The following PCSK2 variants were observed in gnomAD, a reference collection of about 807,000 sequenced individuals.
The protein encoded by PCSK2 is neuroendocrine convertase 2.
A neutral mutation model predicts 69.7 loss-of-function variants in PCSK2; 14 were observed. The observed-to-expected ratio is 0.20, with a 90% CI of 0.13 to 0.31. The LOEUF (loss-of-function observed/expected upper bound fraction) is 0.31. PCSK2 is among the 10% of genes least tolerant of loss of function. The pLI is 1.00. For synonymous variants in PCSK2, 307 were observed against 320.7 expected (o/e 0.96, Z 0.46); for missense variants, 544 against 842.5 (o/e 0.65, Z 4.39).
intron 5 of PCSK2, among the ~76,000 whole-genome samples, chr20:17,385,461 A>G (rs2031209814): frequency 1.3e-5 from 2 of 152,364 alleles, no homozygotes; most frequent in African/African-American, 4.8e-5. Flanking sequence ...TGATTAAGAA[A>G]CAAAAGCTGA....
intron 5 of PCSK2, among the ~76,000 whole-genome samples, chr20:17,391,983 GAAGGAAGGA>G (rs35751867): frequency 0.015 from 2,256 of 150,326 alleles, 23 homozygotes; most frequent in South Asian, 0.037. Context: ...GAAGGGAAGG[GAAGGAAGGA>G]AAGGAAGGAA....
At chr20:17,388,158 TATGGCATGAG>T (rs2031284908) in intron 5 of PCSK2, among the ~76,000 whole-genome samples, 1 of 151,934 alleles carries the variant, frequency 6.6e-6, no homozygotes, top group African/African-American at 2.4e-5. Context: ...GAAGGAAAAA[TATGGCATGAG>T]ATGACATTGG....
At chr20:17,461,564 G>A (rs1220524965) in intron 10 of PCSK2, among the ~76,000 whole-genome samples, 2 of 152,212 alleles carry the variant, frequency 1.3e-5, no homozygotes, top group East Asian at 1.9e-4. Flanking sequence ...CAGATGTTAG[G>A]AGAAGTGATT....
chr20:17,383,828 A>T (rs561945173), intron 5 of PCSK2, among the ~76,000 whole-genome samples: 2 of 152,318 alleles, frequency 1.3e-5, no homozygotes, highest in East Asian at 3.9e-4. Context: ...TTGATGCACC[A>T]TATTTACAAA....
At chr20:17,454,976 G>C (rs1281945053) in intron 9 of PCSK2, among the ~76,000 whole-genome samples, 1 of 152,120 alleles carries the variant, frequency 6.6e-6, no homozygotes, top group East Asian at 1.9e-4. Flanking sequence ...CCTTGGTCTT[G>C]GGGAGGATGA....
intron 11 of PCSK2, among the ~76,000 whole-genome samples, chr20:17,471,683 C>A (rs2033204861): frequency 6.6e-6 from 1 of 152,224 alleles, no homozygotes; most frequent in South Asian, 2.1e-4. Context: ...TCGTCCACCC[C>A]CACACCAGAA....
intron 7 of PCSK2, 47 bp downstream of exon 7, chr20:17,429,570 A>T (rs1185964662): frequency 8.1e-6 from 10 of 1,228,184 alleles, no homozygotes; most frequent in Non-Finnish European, 1.2e-5. Flanking sequence ...TATCACACTG[A>T]TCTCAAGGCT....
chr20:17,419,890 G>T (rs931973290), intron 6 of PCSK2, among the ~76,000 whole-genome samples: 1 of 152,156 alleles, frequency 6.6e-6, no homozygotes, highest in Non-Finnish European at 1.5e-5. Flanking sequence ...CATTGGGGAC[G>T]CAGCATACTC....
intron 1 of PCSK2, among the ~76,000 whole-genome samples, chr20:17,255,112 G>C (rs553478290): frequency 2.0e-5 from 3 of 152,288 alleles, no homozygotes; most frequent in South Asian, 4.1e-4. Context: ...TCTGCAAATA[G>C]AGATAGTTTT....
chr20:17,306,991 C>T (rs1215852203), intron 2 of PCSK2, among the ~76,000 whole-genome samples: 1 of 152,140 alleles, frequency 6.6e-6, no homozygotes, highest in African/African-American at 2.4e-5. Context: ...TTCATTCGTT[C>T]TACTAAAGGT....
intron 5 of PCSK2, among the ~76,000 whole-genome samples, chr20:17,381,514 T>C (rs944450968): frequency 6.6e-6 from 1 of 151,808 alleles, no homozygotes; most frequent in African/African-American, 2.4e-5. Context: ...CAGACTCCCA[T>C]TGAGGTACTG....
At chr20:17,343,834 T>C (rs1198862995) in intron 2 of PCSK2, among the ~76,000 whole-genome samples, 1 of 152,124 alleles carries the variant, frequency 6.6e-6, no homozygotes, top group African/African-American at 2.4e-5. Flanking sequence ...CTCCAGAAGC[T>C]GGAAAAGGCA....
At chr20:17,247,088 G>A (rs1365176597) in intron 1 of PCSK2, among the ~76,000 whole-genome samples, 2 of 152,176 alleles carry the variant, frequency 1.3e-5, no homozygotes, top group Admixed American at 6.5e-5. Context: ...GACTTGGAAG[G>A]AGAAAGAAAT....
intron 2 of PCSK2, among the ~76,000 whole-genome samples, chr20:17,320,079 T>C (rs1989817703): frequency 6.6e-6 from 1 of 152,104 alleles, no homozygotes; most frequent in African/African-American, 2.4e-5. Flanking sequence ...GCAGATGTAA[T>C]GAGGGAAAAC....
chr20:17,439,047 T>G (rs1310042127), intron 8 of PCSK2, among the ~76,000 whole-genome samples: 1 of 152,204 alleles, frequency 6.6e-6, no homozygotes, highest in African/African-American at 2.4e-5. Context: ...ATTTACCCCA[T>G]TAGGTTTCCC....
chr20:17,260,103 A>T, intron 1 of PCSK2, 137 bp from the exon 2 acceptor site: 1 of 670,812 alleles, frequency 1.5e-6, no homozygotes, highest in South Asian at 1.7e-5. Context: ...ACCAGGACTG[A>T]CAGGAGGTTT....
chr20:17,459,832 G>T (rs2032983435), intron 10 of PCSK2, among the ~76,000 whole-genome samples: 1 of 152,206 alleles, frequency 6.6e-6, no homozygotes, highest in South Asian at 2.1e-4. Flanking sequence ...GCTGATCTGT[G>T]AACTAGGGTG....
chr20:17,263,136 A>G, intron 2 of PCSK2: 1 of 985,246 alleles, frequency 1.0e-6, no homozygotes, highest in African/African-American at 1.7e-5. Flanking sequence ...GAAATAAAAA[A>G]GAAAAAGGTA....
chr20:17,370,807 A>G (rs559441323), intron 5 of PCSK2, among the ~76,000 whole-genome samples: 3 of 152,142 alleles, frequency 2.0e-5, no homozygotes, highest in South Asian at 4.1e-4. Flanking sequence ...CTCCTCCATA[A>G]CTGCAGGGCC....
Sources: gnomAD v4.1 joint callset for allele counts (sites outside exome capture counted in the v4.1 genomes callset) on GRCh38, gnomAD v4.1.1 for gene constraint, MANE v1.5 for transcripts, NCBI Gene and HGNC (gene_info 2026-07-23, HGNC 2026-07-21) for gene names.